XPR1: variants seen among roughly 807,000 people sequenced by gnomAD.
XPR1 encodes xenotropic and polytropic retrovirus receptor 1.
XPR1 carries 28 observed loss-of-function variants against 87.5 expected under a neutral mutation model. The observed-to-expected ratio is 0.32, with a 90% CI of 0.24 to 0.44. The LOEUF (loss-of-function observed/expected upper bound fraction) is 0.44. Ranked by LOEUF, XPR1 falls within the 20% of genes least tolerant of loss-of-function variation. XPR1 has a pLI of 1.00. For synonymous variants in XPR1, 300 were observed against 306.1 expected (o/e 0.98, Z 0.21); for missense variants, 559 against 862.3 (o/e 0.65, Z 4.41).
intron 1 of XPR1, among the ~76,000 whole-genome samples, chr1:180,637,876 G>A (rs1270296479): frequency 2.0e-5 from 3 of 152,030 alleles, no homozygotes; most frequent in African/African-American, 7.2e-5. Flanking sequence ...TTGAAGTAAG[G>A]TTTTACATCT....
chr1:180,714,966 A>G (rs1657938553), intron 2 of XPR1, among the ~76,000 whole-genome samples: 1 of 152,190 alleles, frequency 6.6e-6, no homozygotes, highest in Admixed American at 6.5e-5. Context: ...AGAAGCTAAG[A>G]TGGTAGCCTA....
rs1308549134 is a variant in XPR1, at chr1:180,806,045, C to T, written c.448-17C>T. ...GGTAGTAGAAATTATAGTTGTGTTT[C>T]TCATTTCTTTCTGTAGAATCTGAAT... On this transcript the variant is annotated splice_polypyrimidine_tract_variant and intron_variant, in intron 4 of 14. Transcript: ENST00000367590. The T allele has an allele frequency of 2.5e-6, 4 of 1,608,294 alleles. No homozygotes were observed. Among genetic ancestry groups the T allele is most frequent in the Admixed American group, 1.7e-5 (1 of 59,462 alleles).
chr1:180,838,758 CTT>C (rs1288447821), intron 11 of XPR1, among the ~76,000 whole-genome samples: 1 of 152,072 alleles, frequency 6.6e-6, no homozygotes, highest in African/African-American at 2.4e-5. Flanking sequence ...ATTTCCATCT[CTT>C]TGCTGTTGAA....
chr1:180,847,363 T>C, intron 11 of XPR1, among the ~76,000 whole-genome samples: 1 of 152,354 alleles, frequency 6.6e-6, no homozygotes, highest in African/African-American at 2.4e-5. Flanking sequence ...CTCAATTTAA[T>C]CAACCCTTCT....
intron 1 of XPR1, among the ~76,000 whole-genome samples, chr1:180,656,821 G>T (rs1364954800): frequency 2.0e-5 from 3 of 149,922 alleles, no homozygotes; most frequent in Non-Finnish European, 4.4e-5. Flanking sequence ...ATGTCTCTTA[G>T]ATATACTGAT....
At chr1:180,722,560 A>T (rs1475395159) in intron 2 of XPR1, among the ~76,000 whole-genome samples, 1 of 152,194 alleles carries the variant, frequency 6.6e-6, no homozygotes. Flanking sequence ...CATATAATGA[A>T]ACTTAGTTGA....
At chr1:180,712,336 C>T (rs1657828905) in intron 2 of XPR1, among the ~76,000 whole-genome samples, 1 of 152,036 alleles carries the variant, frequency 6.6e-6, no homozygotes, top group Non-Finnish European at 1.5e-5. Flanking sequence ...GATTCTCATC[C>T]CAGGCAAAAT....
intron 2 of XPR1, among the ~76,000 whole-genome samples, chr1:180,698,807 T>C (rs764668061): frequency 2.0e-5 from 3 of 152,214 alleles, no homozygotes; most frequent in Admixed American, 6.5e-5. Context: ...CAGGTTTTTT[T>C]CTTCCAGCAC....
chr1:180,829,295 G>C (rs1013449299), intron 9 of XPR1, among the ~76,000 whole-genome samples: 2 of 152,164 alleles, frequency 1.3e-5, no homozygotes, highest in Non-Finnish European at 2.9e-5. Flanking sequence ...CAGCTATCCA[G>C]AATTGTCTCT....
intron 1 of XPR1, among the ~76,000 whole-genome samples, chr1:180,645,102 G>A (rs151083516): frequency 6.6e-6 from 1 of 152,328 alleles, no homozygotes; most frequent in East Asian, 1.9e-4. Context: ...CAGAATGTGT[G>A]GAAATTTGAA....
At chr1:180,709,690 A>C (rs1657694801) in intron 2 of XPR1, among the ~76,000 whole-genome samples, 2 of 152,134 alleles carry the variant, frequency 1.3e-5, no homozygotes, top group Admixed American at 1.3e-4. Flanking sequence ...TGGTATTGTC[A>C]ATCTATTTAA....
intron 11 of XPR1, among the ~76,000 whole-genome samples, chr1:180,840,532 T>TTTTG (rs1651466990): frequency 9.1e-6 from 1 of 110,440 alleles, no homozygotes; most frequent in African/African-American, 3.3e-5. Context: ...GTTAACATAT[T>TTTTG]TGTGTGTGTG....
chr1:180,660,185 T>C (rs953613325), intron 1 of XPR1, among the ~76,000 whole-genome samples: 2 of 152,140 alleles, frequency 1.3e-5, no homozygotes, highest in African/African-American at 4.8e-5. Context: ...CAGTGATCCT[T>C]TGAATTTCTG....
At chr1:180,839,251 AAAAT>A (rs1250572812) in intron 11 of XPR1, among the ~76,000 whole-genome samples, 1 of 152,214 alleles carries the variant, frequency 6.6e-6, no homozygotes, top group Non-Finnish European at 1.5e-5. Flanking sequence ...CAAAGAGTTG[AAAAT>A]AAATAAAGCA....
rs1653077312 is a variant in XPR1, at chr1:180,888,242, C to A, written c.*4176C>A. 2 of 151,982 alleles carry A rather than the reference C, an allele frequency of 1.3e-5. No homozygotes were observed. Among genetic ancestry groups the A allele is most frequent in the African/African-American group, 4.8e-5 (2 of 41,384 alleles). 9.4% of individuals were successfully genotyped at this position (151,982 alleles called of 1,614,324 possible). On this transcript the variant is annotated 3_prime_UTR_variant, in exon 15 of 15. Coordinates refer to ENST00000367590, the MANE Select transcript of XPR1 (RefSeq NM_004736.4). ...TTCTAAGCAGTGACCACAAAAATTT[C>A]TTATTCTAAGGAAAATAATTAAGAA... is the stretch of plus-strand genomic sequence containing the variant.
At chr1:180,710,946 T>C (rs12068419) in intron 2 of XPR1, among the ~76,000 whole-genome samples, 6,570 of 141,852 alleles carry the variant, frequency 0.046, 504 homozygotes, top group African/African-American at 0.16. Flanking sequence ...GGGCGGCTGC[T>C]GGGCGGAGGG....
intron 1 of XPR1, among the ~76,000 whole-genome samples, chr1:180,641,035 A>G (rs1159226413): frequency 1.3e-5 from 2 of 152,192 alleles, no homozygotes; most frequent in African/African-American, 4.8e-5. Flanking sequence ...TAGTTTATAT[A>G]ATATGCTAGT....
chr1:180,763,992 C>T (rs1049905449), intron 2 of XPR1, among the ~76,000 whole-genome samples: 3 of 152,120 alleles, frequency 2.0e-5, no homozygotes, highest in Non-Finnish European at 2.9e-5. Context: ...GTGTTTTTAC[C>T]GTGAATGCAT....
intron 11 of XPR1, among the ~76,000 whole-genome samples, chr1:180,841,518 T>G (rs1438475138): frequency 6.6e-6 from 1 of 152,126 alleles, no homozygotes; most frequent in Non-Finnish European, 1.5e-5. Flanking sequence ...TAAAGGGAAT[T>G]TATGATAAAA....
Sources: gnomAD v4.1 joint callset for allele counts (sites outside exome capture counted in the v4.1 genomes callset) on GRCh38, gnomAD v4.1.1 for gene constraint, MANE v1.5 for transcripts, NCBI Gene and HGNC (gene_info 2026-07-23, HGNC 2026-07-21) for gene names.